The following SCAPER variants were observed in gnomAD, a reference collection of about 807,000 sequenced individuals.
SCAPER encodes S phase cyclin A-associated protein in the endoplasmic reticulum.
A neutral mutation model predicts 182.2 loss-of-function variants in SCAPER; 98 were observed. The observed-to-expected ratio is 0.54, with a 90% CI of 0.46 to 0.64. The LOEUF (loss-of-function observed/expected upper bound fraction) is 0.64. SCAPER is among the 30% of genes least tolerant of loss of function. The probability of loss-of-function intolerance (pLI) is 0.00; values close to 1 mark genes in which losing one functional copy is unlikely to be tolerated. For synonymous variants in SCAPER, 605 were observed against 564.6 expected, an observed-to-expected ratio of 1.07 and a Z score of -1.01; for missense variants, 1,432 against 1,690.0, an observed-to-expected ratio of 0.85 and a Z score of 2.68.
intron 6 of SCAPER, among the ~76,000 whole-genome samples, chr15:76,801,484 C>T (rs1598809612): frequency 6.6e-6 from 1 of 152,100 alleles, no homozygotes; most frequent in African/African-American, 2.4e-5. Flanking sequence ...AATCTCCAGG[C>T]TAGCCAAAAT....
intron 4 of SCAPER, among the ~76,000 whole-genome samples, chr15:76,854,945 C>G (rs947376949): frequency 6.6e-6 from 1 of 151,232 alleles, no homozygotes; most frequent in Non-Finnish European, 1.5e-5. Context: ...GCACTCCAGC[C>G]TGGGTGACAG....
At chr15:76,735,523 C>T (rs1433566734) in intron 15 of SCAPER, among the ~76,000 whole-genome samples, 2 of 137,090 alleles carry the variant, frequency 1.5e-5, no homozygotes, top group Non-Finnish European at 3.1e-5. Context: ...CACAGTGAAA[C>T]CTCATCTCTA....
intron 5 of SCAPER, among the ~76,000 whole-genome samples, chr15:76,810,890 T>C (rs2066551271): frequency 1.3e-5 from 2 of 151,910 alleles, no homozygotes; most frequent in South Asian, 4.2e-4. Flanking sequence ...AATGACTAAA[T>C]TATCAAAGTA....
At chr15:76,779,058 T>C (rs1016530695) in intron 8 of SCAPER, among the ~76,000 whole-genome samples, 3 of 152,052 alleles carry the variant, frequency 2.0e-5, no homozygotes, top group Non-Finnish European at 2.9e-5. Flanking sequence ...ATATAGGATA[T>C]AGGATACATT....
chr15:76,380,824 T>C (rs887015320), intron 28 of SCAPER: 1 of 152,228 alleles, frequency 6.6e-6, no homozygotes, highest in Non-Finnish European at 1.5e-5. Context: ...TAGCTAAAGA[T>C]GCAAATCCCT....
intron 11 of SCAPER, 84 bp from the exon 12 acceptor site, chr15:76,765,722 T>A: frequency 9.1e-7 from 1 of 1,095,566 alleles, no homozygotes; most frequent in Non-Finnish European, 1.4e-6. Context: ...GAAAATGTCC[T>A]ACCTATTGTT....
chr15:76,409,612 TA>T (rs200648725), intron 26 of SCAPER, among the ~76,000 whole-genome samples: 15,947 of 147,618 alleles, frequency 0.11, 1,016 homozygotes, highest in African/African-American at 0.18. Flanking sequence ...CCGAATCTAT[TA>T]AAAAAAAAAA....
intron 8 of SCAPER, among the ~76,000 whole-genome samples, chr15:76,791,893 T>C (rs1034511992): frequency 6.6e-6 from 1 of 151,534 alleles, no homozygotes; most frequent in Non-Finnish European, 1.5e-5. Context: ...AAACCAAAGG[T>C]CACCCAAGTC....
rs545746676 is a variant in SCAPER, at chr15:76,540,773, C to T, written c.2838+33385G>A. Among the ~76,000 whole-genome samples, 480 of 151,424 alleles carry T rather than the reference C, an allele frequency of 3.2e-3. 5 individuals carry two copies. The highest frequency in any genetic ancestry group is 0.011 in the African/African-American group (454 of 41,298). The stretch of plus-strand genomic sequence containing the variant: ...CCTTGTAAACCTAAATGTAAAATAC[C>T]GGATTAGCCCAATAAATTATAGTAT... On this transcript the variant is annotated intron_variant, in intron 23 of 31. Coordinates refer to ENST00000563290, the MANE Select transcript of SCAPER (RefSeq NM_020843.4).
At chr15:76,604,665 A>T (rs576904834) in intron 22 of SCAPER, among the ~76,000 whole-genome samples, 1 of 152,114 alleles carries the variant, frequency 6.6e-6, no homozygotes. Context: ...TGAGCATGGA[A>T]TGTTCTTCCA....
intron 27 of SCAPER, among the ~76,000 whole-genome samples, chr15:76,394,442 G>A (rs1319958360): frequency 6.6e-6 from 1 of 152,218 alleles, no homozygotes; most frequent in Non-Finnish European, 1.5e-5. Context: ...GTATCAGGAG[G>A]AGAGATTAGA....
At chr15:76,748,776 AATAG>A (rs773932463) in intron 15 of SCAPER, among the ~76,000 whole-genome samples, 1 of 152,016 alleles carries the variant, frequency 6.6e-6, no homozygotes, top group East Asian at 1.9e-4. Flanking sequence ...TCTTTGGGGA[AATAG>A]ATAAATTTCT....
At chr15:76,897,051 C>A (rs1225896318) in intron 1 of SCAPER, among the ~76,000 whole-genome samples, 1 of 152,062 alleles carries the variant, frequency 6.6e-6, no homozygotes, top group Non-Finnish European at 1.5e-5. Flanking sequence ...TAGATAAATT[C>A]TTTAACATTT....
chr15:76,887,801 T>A (rs1306760530), intron 1 of SCAPER, among the ~76,000 whole-genome samples: 1 of 152,198 alleles, frequency 6.6e-6, no homozygotes, highest in Non-Finnish European at 1.5e-5. Flanking sequence ...AAGAGAGCAG[T>A]GCTTCTCCCA....
At chr15:76,540,173 G>A (rs2044602482) in intron 23 of SCAPER, among the ~76,000 whole-genome samples, 1 of 152,084 alleles carries the variant, frequency 6.6e-6, no homozygotes, top group Non-Finnish European at 1.5e-5. Context: ...TCATGAAGTG[G>A]GAGGATTGCT....
rs1354686529 is a variant in SCAPER at position 76,702,830 on chromosome 15, A to G, written c.2400+20T>C. 6.3e-7 allele frequency: 1 copy of G among 1,583,654 alleles called. No homozygotes were observed. Among genetic ancestry groups the G allele is most frequent in the Non-Finnish European group, 8.6e-7 (1 of 1,169,244 alleles). The stretch of plus-strand genomic sequence containing the variant: ...TTTAGTAGTAAACTATATCATTACA[A>G]TATTGATATAACAACCTACCAGGAC... On this transcript the variant is annotated intron_variant, in intron 19 of 31. Coordinates refer to ENST00000563290, the MANE Select transcript of SCAPER (RefSeq NM_020843.4).
intron 23 of SCAPER, among the ~76,000 whole-genome samples, chr15:76,539,541 A>ATT (rs1158992571): frequency 2.4e-5 from 3 of 126,210 alleles, no homozygotes; most frequent in African/African-American, 5.7e-5. Flanking sequence ...TAAAATCAAA[A>ATT]TTTCTTTTTT....
At chr15:76,881,606 A>AT (rs1307870112) in intron 2 of SCAPER, among the ~76,000 whole-genome samples, 1 of 152,246 alleles carries the variant, frequency 6.6e-6, no homozygotes, top group Admixed American at 6.5e-5. Context: ...TGAAGACATT[A>AT]TGCTAAATGA....
chr15:76,371,573 C>T (rs1411517967), intron 29 of SCAPER, among the ~76,000 whole-genome samples: 1 of 151,602 alleles, frequency 6.6e-6, no homozygotes, highest in Admixed American at 6.5e-5. Flanking sequence ...CCACCCCGGC[C>T]TCTCAAAGTG....
Sources: allele counts gnomAD v4.1 joint callset (sites outside exome capture counted in the v4.1 genomes callset), GRCh38; gene constraint gnomAD v4.1.1; transcripts MANE v1.5; gene names NCBI Gene and HGNC (gene_info 2026-07-23, HGNC 2026-07-21).